PRSS16: variants seen among roughly 807,000 people sequenced by gnomAD.
PRSS16 encodes thymus-specific serine protease.
In PRSS16, 43 loss-of-function variants were observed where a neutral mutation model predicts 61.7. The observed-to-expected ratio is 0.70, with a 90% CI of 0.55 to 0.90. The LOEUF (loss-of-function observed/expected upper bound fraction) is 0.90, where lower values mean the gene tolerates loss of function less well. Among genes scored for constraint, PRSS16 ranks in the 40% least tolerant of loss-of-function variants. PRSS16 has a pLI of 0.00. For synonymous variants in PRSS16, 273 were observed against 285.2 expected (o/e 0.96, Z 0.43); for missense variants, 591 against 659.1 (o/e 0.90, Z 1.13).
In PRSS16 at chr6:27,255,529, T is replaced by G. The variant is rs947404738; in HGVS notation, c.*214T>G. On this transcript the variant is annotated 3_prime_UTR_variant, in exon 12 of 12. Transcript: ENST00000230582. This position sits in a 1 kb window ranked among gnomAD's most constrained non-coding sequence, Gnocchi z 4.4. ...AGTTATGGAAATATAAGTGGATGAT[T>G]ATTCTCATTGTAAATATTGGTATTT... is the stretch of plus-strand genomic sequence containing the variant. 1 of 526,644 alleles carries G rather than the reference T, an allele frequency of 1.9e-6. No homozygotes were observed. The highest frequency in any genetic ancestry group is 1.9e-5 in the African/African-American group (1 of 52,286). The allele number at this position is 526,644 out of a possible 1,614,324, so 32.6% of individuals were successfully genotyped here.
chr6:27,251,686 C>G lies in PRSS16; in HGVS notation c.718-64C>G. On this transcript the variant is annotated intron_variant, in intron 7 of 11. Transcript: ENST00000230582. This position sits in a 1 kb window ranked among gnomAD's most constrained non-coding sequence, Gnocchi z 5.6. ...TGGGGAACCCAAGGAGGACGCAGGTCCTGGGTAGGGAAAGCCGAGGCCCAG... is the reference window on the plus strand; with the variant it reads ...TGGGGAACCCAAGGAGGACGCAGGTGCTGGGTAGGGAAAGCCGAGGCCCAG... 9.8e-6 allele frequency: 15 copies of G among 1,534,444 alleles called. No individual in the cohort carries two copies. Among genetic ancestry groups the G allele is most frequent in the Non-Finnish European group, 1.3e-5 (15 of 1,153,188 alleles).
chr6:27,254,952 A>G (rs1224250983), intron 10 of PRSS16, 34 bp from the exon 11 acceptor site: 1 of 1,612,502 alleles, frequency 6.2e-7, no homozygotes. Context: ...CCCAGCACCC[A>G]TCTACCTAGC....
chr6:27,251,478 G>A lies in PRSS16; in HGVS notation c.717+214G>A. The stretch of plus-strand genomic sequence containing the variant: ...GCGCTCCCCAGAGAGGGCGGGGTTT[G>A]GGCAGGGACAATCCTATCCGGAGGT... On this transcript the variant is annotated intron_variant, in intron 7 of 11. Transcript: ENST00000230582. This position sits in a 1 kb window ranked among gnomAD's most constrained non-coding sequence, Gnocchi z 5.6. The A allele has an allele frequency of 1.3e-6, 1 of 754,028 alleles. No individual in the cohort carries two copies. The highest frequency in any genetic ancestry group is 2.0e-5 in the South Asian group (1 of 50,904). The allele number at this position is 754,028 out of a possible 1,614,324, so 46.7% of individuals were successfully genotyped here.
chr6:27,255,199 C>T lies in PRSS16; in HGVS notation c.1477-48C>T. On this transcript the variant is annotated intron_variant, in intron 11 of 11. Coordinates refer to ENST00000230582, the MANE Select transcript of PRSS16 (RefSeq NM_005865.4). The surrounding 1 kb of genome is among the most constrained non-coding windows in gnomAD (Gnocchi z 4.4). ...ATAATCACTTGCATGTTCCCTCCTTCTGCTGGTGCTGAAATCTGACTTTCA... is the reference window on the plus strand; with the variant it reads ...ATAATCACTTGCATGTTCCCTCCTTTTGCTGGTGCTGAAATCTGACTTTCA... 1 of 1,613,636 alleles carries T rather than the reference C, an allele frequency of 6.2e-7. No homozygotes were observed. The highest frequency in any genetic ancestry group is 2.2e-5 in the East Asian group (1 of 44,868).
chr6:27,250,653 G>A, intron 4 of PRSS16, 30 bp from the exon 5 acceptor site: 1 of 1,570,114 alleles, frequency 6.4e-7, no homozygotes, highest in East Asian at 2.3e-5. Context: ...CCAGCGATGA[G>A]GACCGACCGA....
chr6:27,252,239 C>G lies in PRSS16; in HGVS notation c.1008+199C>G, dbSNP rs572122639. 6.1e-6 allele frequency: 4 copies of G among 655,044 alleles called. No individual in the cohort carries two copies. Among genetic ancestry groups the G allele is most frequent in the Non-Finnish European group, 9.8e-6 (4 of 409,766 alleles). 40.6% of individuals were successfully genotyped at this position (655,044 alleles called of 1,614,324 possible). On this transcript the variant is annotated intron_variant, in intron 8 of 11. Coordinates refer to ENST00000230582, the MANE Select transcript of PRSS16 (RefSeq NM_005865.4). The surrounding 1 kb of genome is among the most constrained non-coding windows in gnomAD (Gnocchi z 4.2). ...AGAGCAATCAGCTGGGAGCCTGGCACACAGTGTGCGAATGTTAGAGACTGC... is the reference window on the plus strand; with the variant it reads ...AGAGCAATCAGCTGGGAGCCTGGCAGACAGTGTGCGAATGTTAGAGACTGC...
At chr6:27,254,371 A>T (rs538040345) in intron 9 of PRSS16, 195 of 264,664 alleles carry the variant, frequency 7.4e-4, no homozygotes, top group Admixed American at 1.2e-3. Context: ...TATTTCTTCT[A>T]TTTACTATGC....
chr6:27,254,738 C>G lies in PRSS16; in HGVS notation c.1196C>G (p.Ala399Gly), dbSNP rs1453974754. 6.2e-7 allele frequency: 1 copy of G among 1,614,062 alleles called. No individual in the cohort carries two copies. Among genetic ancestry groups the G allele is most frequent in the Non-Finnish European group, 8.5e-7 (1 of 1,179,884 alleles). ...AGATGTCCTTTCTCCCAGCTCCCAG[C>G]ACTGCCCTCCCAGCTAGACCTATGT... ...NPRCPFSQLP[A>G]LPSQLDLCEQ... The change falls in exon 10 of 12, where the codon GCA (alanine) becomes GGA (glycine). Residue 399 changes from alanine to glycine, a missense_variant. By Grantham distance (60) the Ala-to-Gly change is moderately conservative (BLOSUM62 0). Transcript: ENST00000230582.
chr6:27,253,328 A>G (rs751573008), intron 9 of PRSS16: 4 of 326,352 alleles, frequency 1.2e-5, no homozygotes, highest in Non-Finnish European at 1.8e-5. Flanking sequence ...CTGCATGGAC[A>G]ACTCTGTAGT....
At position 27,248,025 on chromosome 6, in the gene PRSS16, T is replaced by C. The variant is rs1761259972; in HGVS notation, c.214T>C (p.Ser72Pro). 6.2e-7 allele frequency: 1 copy of C among 1,613,576 alleles called. No individual in the cohort carries two copies. Among genetic ancestry groups the C allele is most frequent in the African/African-American group, 1.3e-5 (1 of 74,864 alleles). The change falls in exon 2 of 12, where the codon TCC becomes CCC. Residue 72 changes from serine to proline, a missense_variant. Coordinates refer to ENST00000230582, the MANE Select transcript of PRSS16 (RefSeq NM_005865.4). ...GCAACTGCTGGACCCCTTCAACGTGTCCGACAGACGATCCTTCCTACAGGT... is the reference window on the plus strand; with the variant it reads ...GCAACTGCTGGACCCCTTCAACGTGCCCGACAGACGATCCTTCCTACAGGT... ...LEQLLDPFNV[S>P]DRRSFLQRYW...
Position 27,254,718 on chromosome 6 carries a change from T to A in PRSS16, c.1176T>A (p.Cys392Ter). ...GFYVTCENPRCPFSQLPALPS... is the reference protein window; with the variant it reads ...GFYVTCENPR ...ATGTCACCTGTGAGAATCCCAGATG[T>A]CCTTTCTCCCAGCTCCCAGCACTGC... is the stretch of plus-strand genomic sequence containing the variant. The change falls in exon 10 of 12, where the codon TGT becomes TGA. Residue 392 changes from cysteine to a stop codon, truncating the protein, a stop_gained. Transcript: ENST00000230582. LOFTEE classifies it high-confidence loss of function. 6.2e-7 allele frequency: 1 copy of A among 1,613,804 alleles called. No individual in the cohort carries two copies. Among genetic ancestry groups the A allele is most frequent in the Non-Finnish European group, 8.5e-7 (1 of 1,179,694 alleles).
At position 27,250,827 on chromosome 6, in the gene PRSS16, G is replaced by C. The variant is rs770296883; in HGVS notation, c.591+21G>C. On this transcript the variant is annotated intron_variant, in intron 5 of 11. Coordinates refer to ENST00000230582, the MANE Select transcript of PRSS16 (RefSeq NM_005865.4). ...TGAAGGTCCTGCGACTCCTCCGGGT[G>C]GGCTGGGGGGAGGGAACTCGGACTC... The C allele has an allele frequency of 4.6e-5, 73 of 1,593,498 alleles. 1 individual carries two copies. The Middle Eastern group carries it at 5.1e-4, about 11-fold the overall frequency.
rs1270321225 is a variant in PRSS16, at chr6:27,251,856, T to C, written c.824T>C (p.Leu275Pro). 8 of 1,613,138 alleles carry C rather than the reference T, an allele frequency of 5.0e-6. No individual in the cohort carries two copies. Among genetic ancestry groups the C allele is most frequent in the Admixed American group, 3.3e-5 (2 of 59,956 alleles). ...LRTELSACGP[L>P]GRAENQAELL... Reference sequence around the variant, plus strand: ...ACGGAGCTGAGCGCTTGCGGGCCCCTGGGCCGCGCTGAAAACCAGGCGGAG... The same window carrying C: ...ACGGAGCTGAGCGCTTGCGGGCCCCCGGGCCGCGCTGAAAACCAGGCGGAG... Residue 275 changes from leucine to proline, a missense_variant, in exon 8 of 12, where the codon CTG becomes CCG. Physicochemically the swap from Leu to Pro is moderately conservative, Grantham distance 98. Coordinates refer to ENST00000230582, the MANE Select transcript of PRSS16 (RefSeq NM_005865.4). This position sits in a 1 kb window ranked among gnomAD's most constrained non-coding sequence, Gnocchi z 5.6.
In PRSS16 at chr6:27,252,850, C is replaced by T. The variant is rs747430500; in HGVS notation, c.1051C>T (p.Arg351Ter). Residue 351 changes from arginine to a stop codon, truncating the protein, a stop_gained, in exon 9 of 12, where the codon CGA (arginine) becomes TGA (stop). Transcript: ENST00000230582. LOFTEE classifies it high-confidence loss of function. This position sits in a 1 kb window ranked among gnomAD's most constrained non-coding sequence, Gnocchi z 4.2. The stretch of plus-strand genomic sequence containing the variant: ...GGGCCAGAAGTGTTTAAGCTTTTCC[C>T]GAGCAGAGACAGTGGCACAGCTGAG... ...SLGQKCLSFS[R>*]AETVAQLRST... 8.1e-6 allele frequency: 13 copies of T among 1,613,988 alleles called. No individual in the cohort carries two copies. In the African/African-American group the frequency reaches 1.3e-4, roughly 17 times the overall value.
Position 27,251,051 on chromosome 6 carries a change from C to T in PRSS16, c.601C>T (p.Leu201Phe), listed in dbSNP as rs1014370745. The change falls in exon 6 of 12, where the codon CTC (leucine) becomes TTC (phenylalanine). Residue 201 changes from leucine (L) to phenylalanine (F), a missense_variant. Transcript: ENST00000230582. This position sits in a 1 kb window ranked among gnomAD's most constrained non-coding sequence, Gnocchi z 5.6. ...AAWARLKFPHLIFASVASSAP... is the reference protein window; with the variant it reads ...AAWARLKFPHFIFASVASSAP... ...GCGTCTCCTCCCTTAGTTCCCCCAT[C>T]TCATTTTCGCGTCGGTCGCCTCCTC... 1.2e-5 allele frequency: 20 copies of T among 1,613,878 alleles called. No homozygotes were observed. The highest frequency in any genetic ancestry group is 1.7e-5 in the Non-Finnish European group (20 of 1,180,060).
Position 27,254,687 on chromosome 6 carries a change from ACACAGATGT to A in PRSS16, c.1151-2_1157del. The A allele has an allele frequency of 2.5e-6, 4 of 1,607,052 alleles. No individual in the cohort carries two copies. Among genetic ancestry groups the A allele is most frequent in the African/African-American group, 1.3e-5 (1 of 74,876 alleles). On this transcript the variant is annotated splice_acceptor_variant and splice_polypyrimidine_tract_variant and coding_sequence_variant and intron_variant, in exon 10 of 12. Transcript: ENST00000230582. LOFTEE classifies it high-confidence loss of function. ...TACCCACACTTACAGGTATCTCCCT[ACACAGATGT>A]CACCTGTGAGAATCCCAGATGTCCT... is the stretch of plus-strand genomic sequence containing the variant.
In PRSS16 at chr6:27,252,224, G is replaced by A; in HGVS notation, c.1008+184G>A. 1.4e-6 allele frequency: 1 copy of A among 714,450 alleles called. No homozygotes were observed. The highest frequency in any genetic ancestry group is 2.2e-6 in the Non-Finnish European group (1 of 461,662). 44.3% of individuals were successfully genotyped at this position (714,450 alleles called of 1,614,324 possible). On this transcript the variant is annotated intron_variant, in intron 8 of 11. Coordinates refer to ENST00000230582, the MANE Select transcript of PRSS16 (RefSeq NM_005865.4). The surrounding 1 kb of genome is among the most constrained non-coding windows in gnomAD (Gnocchi z 4.2). The stretch of plus-strand genomic sequence containing the variant: ...TGAGGCGGGTCATGTAGAGCAATCA[G>A]CTGGGAGCCTGGCACACAGTGTGCG...
At position 27,250,670 on chromosome 6, in the gene PRSS16, C is replaced by A. The variant is rs140761256; in HGVS notation, c.468-13C>A. On this transcript the variant is annotated splice_polypyrimidine_tract_variant and intron_variant, in intron 4 of 11. Transcript: ENST00000230582. ...AGCGATGAGGACCGACCGAGTCCCCCCTTTGACCCTAGGCTGGCTGATGTG... is the reference window on the plus strand; with the variant it reads ...AGCGATGAGGACCGACCGAGTCCCCACTTTGACCCTAGGCTGGCTGATGTG... 9.6e-4 allele frequency: 1,539 copies of A among 1,597,146 alleles called. 10 individuals carry two copies. The African/African-American group carries it at 0.015, about 16-fold the overall frequency.
chr6:27,251,743 C>T lies in PRSS16; in HGVS notation c.718-7C>T, dbSNP rs1246143716. ...TCTTGGCGGACATCGCCTCTTGCTT[C>T]CCACAGTGCCGGGCGGCGGTGTCCG... is the stretch of plus-strand genomic sequence containing the variant. On this transcript the variant is annotated splice_polypyrimidine_tract_variant and splice_region_variant and intron_variant, in intron 7 of 11. Coordinates refer to ENST00000230582, the MANE Select transcript of PRSS16 (RefSeq NM_005865.4). The surrounding 1 kb of genome is among the most constrained non-coding windows in gnomAD (Gnocchi z 5.6). The T allele has an allele frequency of 6.3e-7, 1 of 1,589,998 alleles. No homozygotes were observed. Among genetic ancestry groups the T allele is most frequent in the Non-Finnish European group, 8.5e-7 (1 of 1,174,690 alleles).
Sources: allele counts gnomAD v4.1 joint callset, GRCh38; gene constraint gnomAD v4.1.1; non-coding constraint Gnocchi (gnomAD v3.1); transcripts MANE v1.5; gene names NCBI Gene and HGNC (gene_info 2026-07-23, HGNC 2026-07-21).